The following UBE2O variants were observed in gnomAD, a reference collection of about 807,000 sequenced individuals.
The protein encoded by UBE2O is (E3-independent) E2 ubiquitin-conjugating enzyme.
In UBE2O, 15 loss-of-function variants were observed where a neutral mutation model predicts 125.8. The ratio of observed to expected loss-of-function variants is 0.12; its 90% CI spans 0.08 to 0.18. UBE2O has a LOEUF of 0.18. Ranked by LOEUF, UBE2O falls within the 10% of genes least tolerant of loss-of-function variation. The probability of loss-of-function intolerance (pLI) is 1.00; values close to 1 mark genes in which losing one functional copy is unlikely to be tolerated. For synonymous variants in UBE2O, 708 were observed against 703.2 expected (o/e 1.01, Z -0.11); for missense variants, 1,280 against 1,723.6 (o/e 0.74, Z 4.56).
chr17:76,396,248 G>T lies in UBE2O; in HGVS notation c.2689C>A (p.Pro897Thr). The change falls in exon 14 of 18, where the codon CCT becomes ACT. Residue 897 changes from proline (P) to threonine (T), a missense_variant. By Grantham distance (38) the Pro-to-Thr change is conservative (BLOSUM62 -1). Coordinates refer to ENST00000319380, the MANE Select transcript of UBE2O (RefSeq NM_022066.4). This position sits in a 1 kb window ranked among gnomAD's most constrained non-coding sequence, Gnocchi z 6.7. ...RKEDKPEGQS[P>T]VKAEWPSETP... is the part of the protein sequence containing the mutation. ...TCGCTGGGCCACTCAGCCTTCACAG[G>T]TGACTGCCCCTCGGGCTTGTCCTCC... is the stretch of plus-strand genomic sequence containing the variant. 1 of 1,614,230 alleles carries T rather than the reference G, an allele frequency of 6.2e-7. No homozygotes were observed. Among genetic ancestry groups the T allele is most frequent in the Non-Finnish European group, 8.5e-7 (1 of 1,180,050 alleles).
intron 1 of UBE2O, among the ~76,000 whole-genome samples, chr17:76,442,090 T>A (rs1278590148): frequency 1.8e-5 from 2 of 112,812 alleles, no homozygotes; most frequent in East Asian, 4.7e-4. Flanking sequence ...TAGGCGGGGT[T>A]CTTACAGGGG....
chr17:76,398,216 C>A lies in UBE2O; in HGVS notation c.2025+39G>T. The A allele has an allele frequency of 6.2e-7, 1 of 1,613,400 alleles. No individual in the cohort carries two copies. Among genetic ancestry groups the A allele is most frequent in the Non-Finnish European group, 8.5e-7 (1 of 1,179,594 alleles). ...CAGGGACTGCAGCTGGTGCACAGGG[C>A]AGTGAGCAGCCATCCAGAACTTGAA... On this transcript the variant is annotated intron_variant, in intron 12 of 17. Transcript: ENST00000319380. The surrounding 1 kb of genome is among the most constrained non-coding windows in gnomAD (Gnocchi z 5.4).
chr17:76,424,753 G>T (rs1223469375), intron 1 of UBE2O, among the ~76,000 whole-genome samples: 1 of 151,892 alleles, frequency 6.6e-6, no homozygotes, highest in East Asian at 1.9e-4. Context: ...AGGTGTTTGA[G>T]GTTACAATGA....
In UBE2O at chr17:76,391,934, G is replaced by A. The variant is rs754634574; in HGVS notation, c.3126C>T (p.Ser1042=). ...CCTTTCCAATCCAGGTGCCCAGGAG[G>A]CTGACACACACCTTCCCATTGTCAT... ...NLYDNGKVCV[S]LLGTWIGKGT... The change falls in exon 16 of 18, where the codon AGC becomes AGT. Residue 1042 remains serine (S), a synonymous_variant. Transcript: ENST00000319380. This position sits in a 1 kb window ranked among gnomAD's most constrained non-coding sequence, Gnocchi z 8.4. 1.2e-6 allele frequency: 2 copies of A among 1,612,790 alleles called. No homozygotes were observed. Among genetic ancestry groups the A allele is most frequent in the East Asian group, 4.5e-5 (2 of 44,878 alleles).
At chr17:76,430,879 C>A in intron 1 of UBE2O, 1 of 410,190 alleles carries the variant, frequency 2.4e-6, no homozygotes. Flanking sequence ...GTTCTGCAGG[C>A]ACAAAAAAGT....
At chr17:76,426,274 T>TA (rs2072809301) in intron 1 of UBE2O, among the ~76,000 whole-genome samples, 1 of 152,234 alleles carries the variant, frequency 6.6e-6, no homozygotes, top group South Asian at 2.1e-4. Flanking sequence ...GTGCTGGGAT[T>TA]ACAGGCGTGA....
chr17:76,418,964 TC>T (rs1283097108), intron 1 of UBE2O, among the ~76,000 whole-genome samples: 1 of 152,096 alleles, frequency 6.6e-6, no homozygotes, highest in Non-Finnish European at 1.5e-5. Flanking sequence ...AGATTAATGT[TC>T]CCTAGGTGAA....
At chr17:76,445,661 A>T (rs1338647787) in intron 1 of UBE2O, among the ~76,000 whole-genome samples, 1 of 152,262 alleles carries the variant, frequency 6.6e-6, no homozygotes, top group East Asian at 1.9e-4. Flanking sequence ...TTAAATCCTC[A>T]ATCACAGAGT....
At chr17:76,418,919 C>A (rs1221627787) in intron 1 of UBE2O, among the ~76,000 whole-genome samples, 1 of 152,082 alleles carries the variant, frequency 6.6e-6, no homozygotes, top group Non-Finnish European at 1.5e-5. Context: ...ACGGATTTTT[C>A]AACCCAAACC....
intron 13 of UBE2O, among the ~76,000 whole-genome samples, chr17:76,397,286 C>A (rs1301767260): frequency 2.0e-5 from 3 of 152,296 alleles, no homozygotes; most frequent in African/African-American, 7.2e-5. Flanking sequence ...ATGGGGCAAG[C>A]CATTCCCGCC....
chr17:76,414,636 G>A (rs894757890), intron 1 of UBE2O, among the ~76,000 whole-genome samples: 6 of 152,220 alleles, frequency 3.9e-5, no homozygotes, highest in South Asian at 2.1e-4. Context: ...GCTGCAGCTC[G>A]CCAGCTTGCT....
intron 1 of UBE2O, among the ~76,000 whole-genome samples, chr17:76,412,472 C>T (rs1483077633): frequency 2.0e-5 from 3 of 152,124 alleles, no homozygotes; most frequent in African/African-American, 7.2e-5. Flanking sequence ...TTGACAGTGG[C>T]CAACTGGGGG....
chr17:76,452,641 G>A lies in UBE2O; in HGVS notation c.417+84C>T, dbSNP rs2073272955. On this transcript the variant is annotated intron_variant, in intron 1 of 17. Coordinates refer to ENST00000319380, the MANE Select transcript of UBE2O (RefSeq NM_022066.4). This position sits in a 1 kb window ranked among gnomAD's most constrained non-coding sequence, Gnocchi z 4.4. ...CACTGCAGTGGCACCGCTCCGGGCA[G>A]GGCCCTGCACGCCGTCCTTCCCTGG... 2.4e-6 allele frequency: 3 copies of A among 1,253,688 alleles called. No individual in the cohort carries two copies. Among genetic ancestry groups the A allele is most frequent in the Non-Finnish European group, 3.0e-6 (3 of 985,518 alleles). 77.7% of individuals were successfully genotyped at this position (1,253,688 alleles called of 1,614,324 possible). A position where few individuals can be genotyped will look rare whatever the true frequency, so the allele number is the denominator to read the frequency against.
chr17:76,444,233 A>C (rs758832091), intron 1 of UBE2O, among the ~76,000 whole-genome samples: 8 of 151,904 alleles, frequency 5.3e-5, no homozygotes, highest in Non-Finnish European at 1.2e-4. Context: ...AAACAAAGCA[A>C]AACAAAACAA....
chr17:76,449,583 ACT>A (rs762134574), intron 1 of UBE2O, among the ~76,000 whole-genome samples: 5 of 151,168 alleles, frequency 3.3e-5, no homozygotes, highest in Non-Finnish European at 4.4e-5. Context: ...TAAAAAAGAA[ACT>A]CACACACAAA....
At position 76,405,354 on chromosome 17, in the gene UBE2O, G is replaced by A. The variant is rs1260269344; in HGVS notation, c.478-38C>T. The A allele has an allele frequency of 6.4e-7, 1 of 1,570,322 alleles. No homozygotes were observed. The highest frequency in any genetic ancestry group is 8.7e-7 in the Non-Finnish European group (1 of 1,145,774). On this transcript the variant is annotated intron_variant, in intron 2 of 17. Transcript: ENST00000319380. The surrounding 1 kb of genome is among the most constrained non-coding windows in gnomAD (Gnocchi z 6.1). Reference sequence around the variant, plus strand: ...GGAGACATGCAAGTCCCGTGGTGCAGCAGCCCTGGTCACCAGGGGAGACCC... The same window carrying A: ...GGAGACATGCAAGTCCCGTGGTGCAACAGCCCTGGTCACCAGGGGAGACCC...
intron 1 of UBE2O, among the ~76,000 whole-genome samples, chr17:76,438,624 T>C (rs2073035049): frequency 1.3e-5 from 2 of 152,184 alleles, no homozygotes; most frequent in African/African-American, 4.8e-5. Context: ...TTTATTACTG[T>C]TCTCTTAGGT....
rs890018474 is a variant in UBE2O at position 76,452,511 on chromosome 17, G to A, written c.417+214C>T. Among the ~76,000 whole-genome samples the A allele has an allele frequency of 6.6e-6, 1 of 152,212 alleles. No individual in the cohort carries two copies. Among genetic ancestry groups the A allele is most frequent in the African/African-American group, 2.4e-5 (1 of 41,472 alleles). On this transcript the variant is annotated intron_variant, in intron 1 of 17. Coordinates refer to ENST00000319380, the MANE Select transcript of UBE2O (RefSeq NM_022066.4). The surrounding 1 kb of genome is among the most constrained non-coding windows in gnomAD (Gnocchi z 4.4). ...CCTCAAGTCGGGAAGCCCAGGGCCCGCCCGGTCCCGGGCCAGCAGTGCCTG... is the reference window on the plus strand; with the variant it reads ...CCTCAAGTCGGGAAGCCCAGGGCCCACCCGGTCCCGGGCCAGCAGTGCCTG...
In UBE2O at chr17:76,389,685, C is replaced by CCA. The variant is rs2072068431; in HGVS notation, c.*1256_*1257dup. On this transcript the variant is annotated 3_prime_UTR_variant, in exon 18 of 18. Transcript: ENST00000319380. Reference sequence around the variant, plus strand: ...CAAGATACCGACTCGGTTCCAAATGCCACGGTGTGTGGTCCGGCTCCATCC... The same window carrying CCA: ...CAAGATACCGACTCGGTTCCAAATGCCACACGGTGTGTGGTCCGGCTCCATCC... 1 of 152,242 alleles carries CCA rather than the reference C, an allele frequency of 6.6e-6. No individual in the cohort carries two copies. Among genetic ancestry groups the CCA allele is most frequent in the Admixed American group, 6.5e-5 (1 of 15,280 alleles). The allele number at this position is 152,242 out of a possible 1,614,324, so 9.4% of individuals were successfully genotyped here.
Sources: allele counts gnomAD v4.1 joint callset (sites outside exome capture counted in the v4.1 genomes callset), GRCh38; gene constraint gnomAD v4.1.1; non-coding constraint Gnocchi (gnomAD v3.1); transcripts MANE v1.5; gene names NCBI Gene and HGNC (gene_info 2026-07-23, HGNC 2026-07-21).